The following FARS2 variants were observed in gnomAD, a reference collection of about 807,000 sequenced individuals.
FARS2 encodes the protein phenylalanyl-tRNA synthetase 2, mitochondrial, also known as phenylalanine--tRNA ligase, mitochondrial.
Under a neutral mutation model 46.4 loss-of-function variants are expected in FARS2, and 40 were observed. That is an observed-to-expected ratio of 0.86 (90% CI 0.67 to 1.12). The LOEUF (loss-of-function observed/expected upper bound fraction) is 1.12, where lower values mean the gene tolerates loss of function less well. Among genes scored for constraint, FARS2 ranks in the 50% most tolerant of loss-of-function variants. The pLI is 0.00. For missense variants in FARS2, 513 were observed against 567.9 expected (o/e 0.90, Z 0.98); for synonymous variants, 234 against 214.9 (o/e 1.09, Z -0.78).
At chr6:5,400,595 C>T (rs1264853260) in intron 2 of FARS2, among the ~76,000 whole-genome samples, 1 of 150,666 alleles carries the variant, frequency 6.6e-6, no homozygotes, top group Non-Finnish European at 1.5e-5. Context: ...ATGTATTTTT[C>T]ATTATGAAGG....
intron 1 of FARS2, among the ~76,000 whole-genome samples, chr6:5,349,944 T>A (rs1296229186): frequency 6.6e-6 from 1 of 151,918 alleles, no homozygotes; most frequent in Admixed American, 6.6e-5. Flanking sequence ...CAGCGTATCA[T>A]GGGTCCATTA....
At chr6:5,529,216 A>G (rs752230285) in intron 4 of FARS2, among the ~76,000 whole-genome samples, 1 of 152,224 alleles carries the variant, frequency 6.6e-6, no homozygotes, top group Non-Finnish European at 1.5e-5. Context: ...CTGACTCGTG[A>G]TGAGCAAGTC....
rs114420783 is a variant in FARS2 at position 5,447,525 on chromosome 6, A to G, written c.904+16353A>G. On this transcript the variant is annotated intron_variant, in intron 4 of 6. Coordinates refer to ENST00000274680, the MANE Select transcript of FARS2 (RefSeq NM_006567.5). Reference sequence around the variant, plus strand: ...TAGTATAACCTCTTCCTCATGGTGGAGACATTTTTAAAGAACATTATCCAG... The same window carrying G: ...TAGTATAACCTCTTCCTCATGGTGGGGACATTTTTAAAGAACATTATCCAG... Among the ~76,000 whole-genome samples, 898 of 152,292 alleles carry G rather than the reference A, an allele frequency of 5.9e-3. 8 individuals carry two copies. The highest frequency in any genetic ancestry group is 0.021 in the African/African-American group (857 of 41,570).
At chr6:5,601,465 G>A (rs191890989) in intron 5 of FARS2, among the ~76,000 whole-genome samples, 40 of 148,922 alleles carry the variant, frequency 2.7e-4, no homozygotes, top group Non-Finnish European at 5.3e-4. Context: ...CAGAGGTTGC[G>A]GTGAGCCAAG....
At chr6:5,359,373 G>T (rs926266495) in intron 1 of FARS2, among the ~76,000 whole-genome samples, 31 of 152,050 alleles carry the variant, frequency 2.0e-4, no homozygotes, top group African/African-American at 7.5e-4. Context: ...AAGATGGCAT[G>T]GTATATTGAG....
At chr6:5,608,337 A>T (rs9504455) in intron 5 of FARS2, among the ~76,000 whole-genome samples, 1 of 152,076 alleles carries the variant, frequency 6.6e-6, no homozygotes. Context: ...TTTCTTGTTT[A>T]CTGCCTTGGT....
At chr6:5,278,284 A>G (rs1766478756) in intron 1 of FARS2, among the ~76,000 whole-genome samples, 1 of 152,198 alleles carries the variant, frequency 6.6e-6, no homozygotes, top group African/African-American at 2.4e-5. Context: ...GATTCAGAAC[A>G]TATTCTCATT....
At chr6:5,741,762 TGCCTCA>T (rs1761357373) in intron 6 of FARS2, among the ~76,000 whole-genome samples, 1 of 152,228 alleles carries the variant, frequency 6.6e-6, no homozygotes, top group Non-Finnish European at 1.5e-5. Flanking sequence ...GCCATTTTCC[TGCCTCA>T]GCCTCCTGAG....
rs557889513 is a variant in FARS2 at position 5,613,354 on chromosome 6, T to C, written c.1217+34T>C. The C allele has an allele frequency of 5.0e-6, 8 of 1,585,696 alleles. No homozygotes were observed. The South Asian group carries it at 6.8e-5, about 13-fold the overall frequency. On this transcript the variant is annotated intron_variant, in intron 6 of 6. Transcript: ENST00000274680. ...AAAGCTTTCTGATTTTACCCTTGAC[T>C]ATCTCTGTGTGATAAATGTCATGTG...
At chr6:5,463,438 T>C (rs1765353582) in intron 4 of FARS2, among the ~76,000 whole-genome samples, 1 of 151,824 alleles carries the variant, frequency 6.6e-6, no homozygotes, top group Non-Finnish European at 1.5e-5. Context: ...ATCCATTGCA[T>C]GGGCTGACTT....
chr6:5,305,946 G>T (rs1487493787), intron 1 of FARS2, among the ~76,000 whole-genome samples: 1 of 152,140 alleles, frequency 6.6e-6, no homozygotes, highest in Non-Finnish European at 1.5e-5. Flanking sequence ...CAAACTTACA[G>T]CTTTGCCTTA....
chr6:5,529,213 G>A (rs1014540470), intron 4 of FARS2, among the ~76,000 whole-genome samples: 1 of 152,148 alleles, frequency 6.6e-6, no homozygotes, highest in Non-Finnish European at 1.5e-5. Context: ...TTTCTGACTC[G>A]TGATGAGCAA....
chr6:5,355,963 C>A (rs760555058), intron 1 of FARS2, among the ~76,000 whole-genome samples: 4 of 152,114 alleles, frequency 2.6e-5, no homozygotes, highest in Non-Finnish European at 4.4e-5. Context: ...CTTTCATGGG[C>A]ATTTACAGAG....
At chr6:5,561,829 T>C (rs1772001469) in intron 5 of FARS2, among the ~76,000 whole-genome samples, 1 of 152,082 alleles carries the variant, frequency 6.6e-6, no homozygotes, top group South Asian at 2.1e-4. Context: ...TAACTATTTT[T>C]TGGTATTTCT....
At chr6:5,659,712 TG>T (rs1471537724) in intron 6 of FARS2, among the ~76,000 whole-genome samples, 1 of 152,212 alleles carries the variant, frequency 6.6e-6, no homozygotes, top group Non-Finnish European at 1.5e-5. Flanking sequence ...AGAAAAATCA[TG>T]GTTCTTGCCT....
the FARS2 span, among the ~76,000 whole-genome samples, chr6:5,255,636 C>T: frequency 6.6e-6 from 1 of 152,128 alleles, no homozygotes; most frequent in Non-Finnish European, 1.5e-5. Context: ...CTTCTTGGCT[C>T]TTCTTCAGCC....
intron 4 of FARS2, among the ~76,000 whole-genome samples, chr6:5,528,749 G>T (rs1769630981): frequency 6.6e-6 from 1 of 152,178 alleles, no homozygotes; most frequent in Non-Finnish European, 1.5e-5. Context: ...GACAGTTGGG[G>T]ACCCTTGGGA....
intron 6 of FARS2, among the ~76,000 whole-genome samples, chr6:5,653,380 G>C (rs1777459448): frequency 6.6e-6 from 1 of 152,134 alleles, no homozygotes; most frequent in South Asian, 2.1e-4. Flanking sequence ...GCTCCAAAAA[G>C]AATTGAAGAA....
chr6:5,358,685 C>T (rs1032175206), intron 1 of FARS2, among the ~76,000 whole-genome samples: 1 of 152,080 alleles, frequency 6.6e-6, no homozygotes, highest in Non-Finnish European at 1.5e-5. Context: ...ATTCCAAATA[C>T]GGTGATATCT....
Sources: allele counts gnomAD v4.1 joint callset (sites outside exome capture counted in the v4.1 genomes callset), GRCh38; gene constraint gnomAD v4.1.1; transcripts MANE v1.5; gene names NCBI Gene and HGNC (gene_info 2026-07-23, HGNC 2026-07-21).